Variants in ACAP2 observed in about 807,000 individuals in gnomAD.
ACAP2 encodes arf-GAP with coiled-coil, ANK repeat and PH domain-containing protein 2.
A neutral mutation model predicts 115.8 loss-of-function variants in ACAP2; 39 were observed. That is an observed-to-expected ratio of 0.34 (90% CI 0.26 to 0.44). The LOEUF is 0.44. Among genes scored for constraint, ACAP2 ranks in the 20% least tolerant of loss-of-function variants. The probability of loss-of-function intolerance (pLI) is 1.00; values close to 1 mark genes in which losing one functional copy is unlikely to be tolerated. For missense variants in ACAP2, 662 were observed against 927.6 expected (o/e 0.71, Z 3.72); for synonymous variants, 289 against 315.8 (o/e 0.92, Z 0.90).
intron 2 of ACAP2, among the ~76,000 whole-genome samples, chr3:195,386,379 G>C (rs1032870999): frequency 1.3e-5 from 2 of 152,136 alleles, no homozygotes; most frequent in African/African-American, 2.4e-5. Context: ...TGGATTTTAT[G>C]TTAGGTTAAT....
intron 2 of ACAP2, among the ~76,000 whole-genome samples, chr3:195,391,861 G>A (rs745454153): frequency 2.0e-5 from 3 of 152,020 alleles, no homozygotes; most frequent in Non-Finnish European, 4.4e-5. Context: ...TGGGCATGGT[G>A]GTGCACGCCT....
At chr3:195,382,862 T>C (rs541522664) in intron 2 of ACAP2, among the ~76,000 whole-genome samples, 18 of 147,942 alleles carry the variant, frequency 1.2e-4, no homozygotes, top group Middle Eastern at 3.4e-3. Context: ...ACAACTACTA[T>C]GACAAAACTA....
intron 15 of ACAP2, among the ~76,000 whole-genome samples, chr3:195,298,219 C>T (rs1170204648): frequency 6.7e-6 from 1 of 150,194 alleles, no homozygotes; most frequent in African/African-American, 2.5e-5. Flanking sequence ...AGAGCACTCT[C>T]ATAGGCAAGA....
At chr3:195,374,573 A>G (rs957805283) in intron 4 of ACAP2, among the ~76,000 whole-genome samples, 3 of 152,214 alleles carry the variant, frequency 2.0e-5, no homozygotes, top group African/African-American at 7.2e-5. Flanking sequence ...AAAGGGCAAC[A>G]AATATTCCTC....
In ACAP2 at chr3:195,333,486, C is replaced by T. The variant is rs145195103; in HGVS notation, c.574-363G>A. ...AAAGTCCTGGGATTATAGGCGTGAG[C>T]CACCATGCCCAGCTCACCAAATCTA... On this transcript the variant is annotated intron_variant, in intron 7 of 22. Coordinates refer to ENST00000326793, the MANE Select transcript of ACAP2 (RefSeq NM_012287.6). Among the ~76,000 whole-genome samples the T allele has an allele frequency of 1.7e-3, 253 of 152,310 alleles. 1 individual carries two copies. Among genetic ancestry groups the T allele is most frequent in the African/African-American group, 5.7e-3 (235 of 41,574 alleles).
At chr3:195,327,098 G>C in intron 8 of ACAP2, 139 bp from the exon 9 acceptor site, 1 of 771,344 alleles carries the variant, frequency 1.3e-6, no homozygotes, top group Non-Finnish European at 2.0e-6. Flanking sequence ...GCTAAATTTT[G>C]AAGTAGAAGT....
At chr3:195,293,633 G>A (rs532487852) in intron 18 of ACAP2, among the ~76,000 whole-genome samples, 7 of 152,242 alleles carry the variant, frequency 4.6e-5, no homozygotes, top group African/African-American at 1.7e-4. Context: ...CTTGAAGTCA[G>A]GAGTTCAAGA....
intron 3 of ACAP2, 121 bp downstream of exon 3, chr3:195,381,782 A>T: frequency 1.7e-6 from 2 of 1,173,432 alleles, no homozygotes; most frequent in Non-Finnish European, 1.2e-6. Flanking sequence ...AGGGGTGACC[A>T]CTTTTCTACT....
At chr3:195,299,621 G>A (rs992641765) in intron 15 of ACAP2, among the ~76,000 whole-genome samples, 1 of 151,500 alleles carries the variant, frequency 6.6e-6, no homozygotes, top group Non-Finnish European at 1.5e-5. Context: ...GGTGGATCAC[G>A]AGGTCAGGAG....
intron 1 of ACAP2, among the ~76,000 whole-genome samples, chr3:195,403,828 G>A (rs1002922444): frequency 6.6e-6 from 1 of 152,158 alleles, no homozygotes; most frequent in African/African-American, 2.4e-5. Context: ...CAAATAGGTG[G>A]ATGCACCTGA....
At chr3:195,322,300 CTAT>C (rs755490407) in intron 9 of ACAP2, among the ~76,000 whole-genome samples, 100 of 152,242 alleles carry the variant, frequency 6.6e-4, no homozygotes, top group Admixed American at 1.6e-3. Context: ...GAATTCTACC[CTAT>C]TAAGGAGCAG....
rs117121247 is a variant in ACAP2 at position 195,346,127 on chromosome 3, T to C, written c.286-810A>G. On this transcript the variant is annotated intron_variant, in intron 4 of 22. Coordinates refer to ENST00000326793, the MANE Select transcript of ACAP2 (RefSeq NM_012287.6). ...CTTCTGTTTTCTCCTGAATACTACATACACACATTCCCCAGGAATCTGGAC... is the reference window on the plus strand; with the variant it reads ...CTTCTGTTTTCTCCTGAATACTACACACACACATTCCCCAGGAATCTGGAC... Among the ~76,000 whole-genome samples, 756 of 152,288 alleles carry C rather than the reference T, an allele frequency of 5.0e-3. 16 individuals carry two copies. Among genetic ancestry groups the C allele is most frequent in the Admixed American group, 0.04 (613 of 15,290 alleles).
intron 19 of ACAP2, among the ~76,000 whole-genome samples, 195 bp downstream of exon 19, chr3:195,292,070 T>C (rs1377688665): frequency 6.6e-6 from 1 of 152,216 alleles, no homozygotes; most frequent in East Asian, 1.9e-4. Flanking sequence ...ATTATCGGAA[T>C]TCTCTTCCAC....
At chr3:195,323,188 C>T (rs1283826527) in intron 9 of ACAP2, among the ~76,000 whole-genome samples, 5 of 151,986 alleles carry the variant, frequency 3.3e-5, no homozygotes, top group Admixed American at 2.6e-4. Context: ...CAAGAAAAAC[C>T]ATTATTACCA....
intron 4 of ACAP2, among the ~76,000 whole-genome samples, chr3:195,371,333 T>C (rs1733125498): frequency 6.6e-6 from 1 of 152,200 alleles, no homozygotes; most frequent in Admixed American, 6.5e-5. Flanking sequence ...GTGATCAGGA[T>C]TGTGTTCCTG....
Position 195,336,777 on chromosome 3 carries a change from A to T in ACAP2, c.573+155T>A, listed in dbSNP as rs1053197775. The T allele has an allele frequency of 1.5e-5, 10 of 656,542 alleles. No individual in the cohort carries two copies. The Admixed American group carries it at 2.1e-4, about 14-fold the overall frequency. 40.7% of individuals were successfully genotyped at this position (656,542 alleles called of 1,614,324 possible). ...ACTGTAACATGAAGGAGACAAAAAG[A>T]AGTCCAGTGCCACATAAGAAACACA... On this transcript the variant is annotated intron_variant, in intron 7 of 22. Coordinates refer to ENST00000326793, the MANE Select transcript of ACAP2 (RefSeq NM_012287.6).
At chr3:195,293,120 T>C (rs1415750991) in intron 18 of ACAP2, among the ~76,000 whole-genome samples, 2 of 152,184 alleles carry the variant, frequency 1.3e-5, no homozygotes, top group Non-Finnish European at 2.9e-5. Flanking sequence ...CTTTCTGTTC[T>C]TGCCAGTATC....
At chr3:195,366,154 G>A (rs903448218) in intron 4 of ACAP2, among the ~76,000 whole-genome samples, 1 of 152,066 alleles carries the variant, frequency 6.6e-6, no homozygotes, top group African/African-American at 2.4e-5. Flanking sequence ...CCTTCTACCT[G>A]TACTAATTTG....
At chr3:195,319,958 ACCT>A (rs1027545570) in intron 10 of ACAP2, among the ~76,000 whole-genome samples, 1 of 152,124 alleles carries the variant, frequency 6.6e-6, no homozygotes, top group Non-Finnish European at 1.5e-5. Context: ...TGAAAAAGGG[ACCT>A]GGTGGGAGGT....
Sources: allele counts gnomAD v4.1 joint callset (sites outside exome capture counted in the v4.1 genomes callset), GRCh38; gene constraint gnomAD v4.1.1; transcripts MANE v1.5; gene names NCBI Gene and HGNC (gene_info 2026-07-23, HGNC 2026-07-21).